The following SYNCRIP variants were observed in gnomAD, a reference collection of about 807,000 sequenced individuals.
The protein encoded by SYNCRIP is synaptotagmin binding cytoplasmic RNA interacting protein, also known as heterogeneous nuclear ribonucleoprotein Q.
In SYNCRIP, 9 loss-of-function variants were observed where a neutral mutation model predicts 68.9. The observed-to-expected ratio is 0.13, with a 90% confidence interval of 0.08 to 0.23. The LOEUF (loss-of-function observed/expected upper bound fraction) is 0.23, where lower values mean the gene tolerates loss of function less well. Ranked by LOEUF, SYNCRIP falls within the 10% of genes least tolerant of loss-of-function variation. The pLI, the probability that SYNCRIP is intolerant of heterozygous loss-of-function variation, is 1.00. For missense variants in SYNCRIP, 414 were observed against 770.6 expected (o/e 0.54, Z 5.48); for synonymous variants, 258 against 254.0 (o/e 1.02, Z -0.15).
At chr6:85,626,463 G>GA (rs1453531129) in intron 6 of SYNCRIP, among the ~76,000 whole-genome samples, 2 of 152,050 alleles carry the variant, frequency 1.3e-5, no homozygotes, top group East Asian at 3.9e-4. Flanking sequence ...TTGGTATAAT[G>GA]AGGGGGGGAA....
intron 6 of SYNCRIP, among the ~76,000 whole-genome samples, chr6:85,625,616 G>T (rs2128288809): frequency 1.3e-5 from 2 of 152,178 alleles, no homozygotes; most frequent in Admixed American, 6.5e-5. Flanking sequence ...TCAAACTCCT[G>T]ATCTTGTGAT....
chr6:85,614,697 T>TTTAGGGTGAGTTTCTGATCAACC lies in SYNCRIP; in HGVS notation c.*36_*58dup, dbSNP rs1343635182. On this transcript the variant is annotated 3_prime_UTR_variant, in exon 11 of 11. Coordinates refer to ENST00000369622, the MANE Select transcript of SYNCRIP (RefSeq NM_006372.5). ...CAAATTATAGCGGCACCCGTTCAGA[T>TTTAGGGTGAGTTTCTGATCAACC]TTAGGGTGAGTTTCTGATCAACCTA... 5.7e-5 allele frequency: 86 copies of TTTAGGGTGAGTTTCTGATCAACC among 1,504,776 alleles called. 1 individual carries two copies. The Admixed American group carries it at 2.0e-3, about 36-fold the overall frequency. The allele number at this position is 1,504,776 out of a possible 1,614,324, so 93.2% of individuals were successfully genotyped here.
chr6:85,635,166 A>C (rs1414460289), intron 6 of SYNCRIP, among the ~76,000 whole-genome samples: 1 of 152,092 alleles, frequency 6.6e-6, no homozygotes, highest in East Asian at 1.9e-4. Context: ...GTCTCAAAAA[A>C]CAAATCATAA....
chr6:85,641,578 G>T, intron 1 of SYNCRIP, 127 bp from the exon 2 acceptor site: 1 of 920,172 alleles, frequency 1.1e-6, no homozygotes, highest in Non-Finnish European at 1.6e-6. Context: ...CTTTAAAAAA[G>T]CCTTACAGTC....
intron 6 of SYNCRIP, among the ~76,000 whole-genome samples, chr6:85,635,701 C>T (rs764093154): frequency 1.0e-4 from 13 of 130,194 alleles, no homozygotes; most frequent in Middle Eastern, 9.3e-3. Context: ...ACCTGGGAGG[C>T]GGAGGTTGCA....
chr6:85,630,525 A>C (rs944668795), intron 6 of SYNCRIP, among the ~76,000 whole-genome samples: 5 of 152,230 alleles, frequency 3.3e-5, no homozygotes, highest in Non-Finnish European at 7.3e-5. Flanking sequence ...CCAGCAACAT[A>C]CCACACAAAT....
Position 85,640,542 on chromosome 6 carries a change from T to C in SYNCRIP, c.171A>G (p.Leu57=). 1 of 1,595,546 alleles carries C rather than the reference T, an allele frequency of 6.3e-7. No individual in the cohort carries two copies. The highest frequency in any genetic ancestry group is 8.5e-7 in the Non-Finnish European group (1 of 1,174,174). The change falls in exon 3 of 11, where the codon TTA becomes TTG. Residue 57 remains leucine (L), a synonymous_variant. Coordinates refer to ENST00000369622, the MANE Select transcript of SYNCRIP (RefSeq NM_006372.5). ...YVAGLVAHSD[L]DERAIEALKE... The stretch of plus-strand genomic sequence containing the variant: ...TTAAAGCTTCAATAGCTCTTTCATC[T>C]AAATCACTATGTGCAACTAGCCCTG...
chr6:85,641,073 G>A (rs1001350809), intron 2 of SYNCRIP, among the ~76,000 whole-genome samples: 1 of 152,156 alleles, frequency 6.6e-6, no homozygotes, highest in Non-Finnish European at 1.5e-5. Context: ...TTATCCATCA[G>A]GCCAGCATGC....
intron 1 of SYNCRIP, among the ~76,000 whole-genome samples, chr6:85,642,525 G>A (rs1809325235): frequency 6.6e-6 from 1 of 152,164 alleles, no homozygotes; most frequent in African/African-American, 2.4e-5. Context: ...CACCAACTCT[G>A]AAGCCGCTCG....
downstream of SYNCRIP, chr6:85,612,206 T>G (rs1175644843): frequency 6.6e-6 from 1 of 152,158 alleles, no homozygotes. Flanking sequence ...AGCCTTGCTT[T>G]TATCTACAAA....
At chr6:85,636,819 A>T (rs1808512458) in intron 6 of SYNCRIP, 148 bp downstream of exon 6, 3 of 645,180 alleles carry the variant, frequency 4.6e-6, no homozygotes, top group Non-Finnish European at 7.7e-6. Flanking sequence ...ATAACACTAC[A>T]ATGCTTGCAC....
intron 6 of SYNCRIP, among the ~76,000 whole-genome samples, chr6:85,633,541 A>C (rs1808077341): frequency 6.6e-6 from 1 of 152,094 alleles, no homozygotes; most frequent in African/African-American, 2.4e-5. Context: ...CAGTGAGTTG[A>C]GATCACACCA....
intron 6 of SYNCRIP, among the ~76,000 whole-genome samples, chr6:85,634,115 T>C (rs1229921932): frequency 2.0e-5 from 3 of 152,170 alleles, no homozygotes; most frequent in Admixed American, 2.0e-4. Context: ...TCCATTATAT[T>C]TAAAAACTAT....
At chr6:85,616,194 C>G (rs1331813363) in intron 10 of SYNCRIP, among the ~76,000 whole-genome samples, 1 of 152,184 alleles carries the variant, frequency 6.6e-6, no homozygotes, top group African/African-American at 2.4e-5. Flanking sequence ...ATGTTCCCTA[C>G]AGTACAATTT....
chr6:85,640,656 T>C lies in SYNCRIP; in HGVS notation c.149-92A>G, dbSNP rs990253075. 3.5e-5 allele frequency: 24 copies of C among 690,244 alleles called. No individual in the cohort carries two copies. The Admixed American group carries it at 4.3e-4, about 12-fold the overall frequency. 42.8% of individuals were successfully genotyped at this position (690,244 alleles called of 1,614,324 possible). On this transcript the variant is annotated intron_variant, in intron 2 of 10. Coordinates refer to ENST00000369622, the MANE Select transcript of SYNCRIP (RefSeq NM_006372.5). Reference sequence around the variant, plus strand: ...GGCAATACAGGTACATGTGTGCCTTTACAATTCTTCTACTCCCCTCATCTA... The same window carrying C: ...GGCAATACAGGTACATGTGTGCCTTCACAATTCTTCTACTCCCCTCATCTA...
intron 6 of SYNCRIP, among the ~76,000 whole-genome samples, chr6:85,626,090 A>G (rs1046445790): frequency 2.6e-5 from 4 of 152,222 alleles, no homozygotes; most frequent in Admixed American, 2.0e-4. Flanking sequence ...TATAGCATTC[A>G]TGTCTTTCTC....
intron 8 of SYNCRIP, among the ~76,000 whole-genome samples, chr6:85,619,836 A>C (rs1299396300): frequency 6.6e-6 from 1 of 152,210 alleles, no homozygotes; most frequent in Non-Finnish European, 1.5e-5. Flanking sequence ...ATTTCTTACA[A>C]AACTAAACAC....
intron 4 of SYNCRIP, 77 bp downstream of exon 4, chr6:85,640,144 A>G: frequency 1.0e-6 from 1 of 966,198 alleles, no homozygotes; most frequent in South Asian, 1.4e-5. Flanking sequence ...CATCCATTTC[A>G]TACCCAAGGA....
chr6:85,608,126 TTATTC>T (rs1434279949), downstream of SYNCRIP: 5 of 152,086 alleles, frequency 3.3e-5, no homozygotes, highest in African/African-American at 7.2e-5. Context: ...CCTAATACAT[TTATTC>T]TATTCATCTT....
Sources: gnomAD v4.1 joint callset for allele counts (sites outside exome capture counted in the v4.1 genomes callset) on GRCh38, gnomAD v4.1.1 for gene constraint, MANE v1.5 for transcripts, NCBI Gene and HGNC (gene_info 2026-07-23, HGNC 2026-07-21) for gene names.